ARHGEF28: variants seen among roughly 807,000 people sequenced by gnomAD.
ARHGEF28 encodes the protein Rho guanine nucleotide exchange factor 28, also known as 190 kDa guanine nucleotide exchange factor.
A neutral mutation model predicts 206.6 loss-of-function variants in ARHGEF28; 152 were observed. The observed-to-expected ratio is 0.74, with a 90% CI of 0.64 to 0.84. The LOEUF (loss-of-function observed/expected upper bound fraction) is 0.84. Among genes scored for constraint, ARHGEF28 ranks in the 40% least tolerant of loss-of-function variants. ARHGEF28 has a pLI of 0.00. For missense variants in ARHGEF28, 2,028 were observed against 2,073.2 expected (o/e 0.98, Z 0.42); for synonymous variants, 763 against 776.4 (o/e 0.98, Z 0.29).
intron 9 of ARHGEF28, among the ~76,000 whole-genome samples, chr5:73,823,201 CA>C (rs1756701248): frequency 6.6e-6 from 1 of 152,176 alleles, no homozygotes; most frequent in Non-Finnish European, 1.5e-5. Flanking sequence ...AGTAATGACT[CA>C]TGCAGTTATG....
At chr5:73,681,852 C>A (rs527916074) in intron 1 of ARHGEF28, among the ~76,000 whole-genome samples, 1 of 151,950 alleles carries the variant, frequency 6.6e-6, no homozygotes, top group South Asian at 2.1e-4. Flanking sequence ...GTAATCCCAG[C>A]ACTGTGGGAG....
At chr5:73,738,618 T>C (rs1285060508) in intron 2 of ARHGEF28, among the ~76,000 whole-genome samples, 1 of 151,984 alleles carries the variant, frequency 6.6e-6, no homozygotes, top group Non-Finnish European at 1.5e-5. Context: ...AGGGGAACTG[T>C]CTCCAGCTTT....
chr5:73,626,437 G>A (rs1465507470), intron 1 of ARHGEF28, 115 bp downstream of exon 1: 1 of 152,200 alleles, frequency 6.6e-6, no homozygotes, highest in Non-Finnish European at 1.5e-5. Context: ...CCAGGGATGC[G>A]AGGGTCAGCA....
At chr5:73,780,897 C>T (rs1753810262) in intron 7 of ARHGEF28, among the ~76,000 whole-genome samples, 152 bp downstream of exon 7, 1 of 152,132 alleles carries the variant, frequency 6.6e-6, no homozygotes, top group African/African-American at 2.4e-5. Context: ...CCCCTGGGTC[C>T]TCGGACAGCA....
intron 7 of ARHGEF28, among the ~76,000 whole-genome samples, chr5:73,791,895 G>T (rs1456319294): frequency 1.3e-5 from 2 of 152,200 alleles, no homozygotes; most frequent in African/African-American, 4.8e-5. Context: ...AATAGGTAGA[G>T]TTACTGATAC....
At chr5:73,845,767 G>C (rs1298836145) in intron 11 of ARHGEF28, among the ~76,000 whole-genome samples, 1 of 151,986 alleles carries the variant, frequency 6.6e-6, no homozygotes, top group Non-Finnish European at 1.5e-5. Flanking sequence ...GACTGAGGTG[G>C]GTGGATCCAT....
chr5:73,727,706 G>A lies in ARHGEF28; in HGVS notation c.34-22131G>A, dbSNP rs186712913. ...TTGAGAACAGCTGTCATATCCTCTC[G>A]TTAAGTGTCCTCTTTGCCAGAATAA... On this transcript the variant is annotated intron_variant, in intron 2 of 35. Coordinates refer to ENST00000513042, the MANE Select transcript of ARHGEF28 (RefSeq NM_001177693.2). 4.4e-4 allele frequency among the ~76,000 whole-genome samples: 67 copies of A among 152,218 alleles called. 1 individual carries two copies. The highest frequency in any genetic ancestry group is 1.1e-3 in the African/African-American group (46 of 41,504).
At chr5:73,661,151 G>GGATAACTCTGCA (rs1306901856) in intron 1 of ARHGEF28, among the ~76,000 whole-genome samples, 1 of 152,220 alleles carries the variant, frequency 6.6e-6, no homozygotes, top group African/African-American at 2.4e-5. Context: ...CAGATTGGCT[G>GGATAACTCTGCA]GATAACTTGC....
At chr5:73,802,542 A>G (rs994397689) in intron 9 of ARHGEF28, among the ~76,000 whole-genome samples, 1 of 152,208 alleles carries the variant, frequency 6.6e-6, no homozygotes, top group Non-Finnish European at 1.5e-5. Flanking sequence ...AAACCAGCTT[A>G]GTGACTAAGC....
At chr5:73,849,426 A>C (rs1579984413) in intron 13 of ARHGEF28, among the ~76,000 whole-genome samples, 2 of 152,098 alleles carry the variant, frequency 1.3e-5, no homozygotes, top group East Asian at 3.9e-4. Flanking sequence ...GTAAATTATA[A>C]AAATTACTTT....
intron 2 of ARHGEF28, among the ~76,000 whole-genome samples, chr5:73,708,938 G>A (rs1049121154): frequency 3.9e-5 from 6 of 152,038 alleles, no homozygotes; most frequent in African/African-American, 9.7e-5. Context: ...TCTCTCTAAC[G>A]ATTAGTGATG....
intron 1 of ARHGEF28, among the ~76,000 whole-genome samples, chr5:73,672,852 G>C (rs921534135): frequency 2.6e-5 from 4 of 152,222 alleles, no homozygotes; most frequent in African/African-American, 7.2e-5. Flanking sequence ...GGAACATTTT[G>C]TTAGCAGCTA....
intron 4 of ARHGEF28, among the ~76,000 whole-genome samples, chr5:73,755,601 A>AT (rs1752264485): frequency 6.6e-6 from 1 of 152,276 alleles, no homozygotes; most frequent in East Asian, 1.9e-4. Context: ...TACTATATTT[A>AT]TTTTTTATGC....
At chr5:73,737,452 CTTTTCTTTTCTTTTCTTTTCTTTTCTTT>C (rs1751026594) in intron 2 of ARHGEF28, among the ~76,000 whole-genome samples, 1 of 39,570 alleles carries the variant, frequency 2.5e-5, no homozygotes, top group Admixed American at 3.4e-4. Context: ...CTTTTCTTTT[CTTTTCTTTTCTTTTCTTTTCTTTTCTTT>C]TCTTTTCTTT....
intron 4 of ARHGEF28, among the ~76,000 whole-genome samples, chr5:73,772,905 C>A (rs1753305104): frequency 6.6e-6 from 1 of 152,104 alleles, no homozygotes; most frequent in Admixed American, 6.5e-5. Flanking sequence ...TAAAATTGTG[C>A]TAATGAAGAT....
At chr5:73,894,023 A>G (rs1238747216) in intron 28 of ARHGEF28, among the ~76,000 whole-genome samples, 2 of 152,222 alleles carry the variant, frequency 1.3e-5, no homozygotes, top group Non-Finnish European at 2.9e-5. Context: ...AGGCATTTGT[A>G]TTGTTCACTC....
At chr5:73,848,390 C>G (rs16870956) in intron 12 of ARHGEF28, among the ~76,000 whole-genome samples, 2,300 of 152,118 alleles carry the variant, frequency 0.015, 61 homozygotes, top group African/African-American at 0.052. Flanking sequence ...AACATCCACC[C>G]CAGAAAGTGC....
intron 2 of ARHGEF28, among the ~76,000 whole-genome samples, chr5:73,728,355 G>A (rs59916487): frequency 0.021 from 3,248 of 152,208 alleles, 112 homozygotes; most frequent in African/African-American, 0.074. Flanking sequence ...TCCCTTTGTT[G>A]TGCCCCTACA....
At chr5:73,698,377 A>G (rs552632669) in intron 2 of ARHGEF28, among the ~76,000 whole-genome samples, 3 of 152,228 alleles carry the variant, frequency 2.0e-5, no homozygotes, top group African/African-American at 7.2e-5. Context: ...GTGATATTCT[A>G]TGTTGTTATT....
Sources: gnomAD v4.1 joint callset for allele counts (sites outside exome capture counted in the v4.1 genomes callset) on GRCh38, gnomAD v4.1.1 for gene constraint, MANE v1.5 for transcripts, NCBI Gene and HGNC (gene_info 2026-07-23, HGNC 2026-07-21) for gene names.